Variants in CPD observed in about 807,000 individuals in gnomAD.
CPD encodes the protein carboxypeptidase D.
CPD carries 69 observed loss-of-function variants against 138.3 expected under a neutral mutation model. That is an observed-to-expected ratio of 0.50 (90% CI 0.41 to 0.61). CPD has a LOEUF of 0.61. Ranked by LOEUF, CPD falls within the 20% of genes least tolerant of loss-of-function variation. The pLI, the probability that CPD is intolerant of heterozygous loss-of-function variation, is 0.00. For missense variants in CPD, 1,432 were observed against 1,733.3 expected (o/e 0.83, Z 3.09); for synonymous variants, 651 against 642.1 (o/e 1.01, Z -0.21).
rs369436295 is a variant in CPD at position 30,385,104 on chromosome 17, T to G, written c.862T>G (p.Phe288Val). 3.7e-6 allele frequency: 6 copies of G among 1,613,984 alleles called. No homozygotes were observed. Among genetic ancestry groups the G allele is most frequent in the Non-Finnish European group, 5.1e-6 (6 of 1,180,000 alleles). ...IYSKTSDDEVFKYLAKAYASN... is the reference protein window; with the variant it reads ...IYSKTSDDEVVKYLAKAYASN... ...TAGCAAAACCTCAGATGATGAAGTATTTAAATACTTGGCAAAAGCTTATGC... is the reference window on the plus strand; with the variant it reads ...TAGCAAAACCTCAGATGATGAAGTAGTTAAATACTTGGCAAAAGCTTATGC... Residue 288 changes from phenylalanine (F) to valine (V), a missense_variant, in exon 2 of 21, where the codon TTT becomes GTT. Phe to Val is a conservative substitution (Grantham distance 50). Around this residue, in one of 6 missense-constraint regions of CPD, gnomAD observed 484 missense variants for 477.2 expected, o/e 1.01. Coordinates refer to ENST00000225719, the MANE Select transcript of CPD (RefSeq NM_001304.5).
chr17:30,460,095 C>CA (rs913107163), intron 17 of CPD, among the ~76,000 whole-genome samples: 2 of 152,150 alleles, frequency 1.3e-5, no homozygotes, highest in Non-Finnish European at 2.9e-5. Context: ...ATTAAAGACA[C>CA]AAAAAATTAT....
chr17:30,407,646 C>T (rs1313160242), intron 2 of CPD, among the ~76,000 whole-genome samples: 1 of 152,128 alleles, frequency 6.6e-6, no homozygotes, highest in East Asian at 1.9e-4. Context: ...TTCCTTTGCC[C>T]ACTTTTTGAT....
chr17:30,423,259 T>C (rs1048984652), intron 5 of CPD, among the ~76,000 whole-genome samples: 1 of 152,240 alleles, frequency 6.6e-6, no homozygotes, highest in Non-Finnish European at 1.5e-5. Flanking sequence ...AGATTAGATT[T>C]ATTCTGCTAA....
intron 1 of CPD, among the ~76,000 whole-genome samples, chr17:30,383,000 G>GTTATA (rs1911090090): frequency 1.3e-5 from 2 of 152,164 alleles, no homozygotes; most frequent in Non-Finnish European, 2.9e-5. Flanking sequence ...AACTTTCCCA[G>GTTATA]AGTCAGTGGG....
chr17:30,443,106 A>G (rs915160114), intron 10 of CPD, among the ~76,000 whole-genome samples: 5 of 152,198 alleles, frequency 3.3e-5, no homozygotes, highest in Middle Eastern at 3.4e-3. Flanking sequence ...TAGATTTAAC[A>G]TTTTTAACAT....
chr17:30,461,333 A>G (rs2143511810), intron 18 of CPD, 22 bp downstream of exon 18: 1 of 1,533,480 alleles, frequency 6.5e-7, no homozygotes, highest in Non-Finnish European at 8.8e-7. Flanking sequence ...CCTTTTAACT[A>G]GAGGCAAACT....
intron 2 of CPD, among the ~76,000 whole-genome samples, chr17:30,389,890 A>C (rs1165694101): frequency 7.2e-5 from 11 of 152,230 alleles, no homozygotes; most frequent in Non-Finnish European, 1.6e-4. Flanking sequence ...AATATTGAGC[A>C]GTTTCCCCTT....
intron 7 of CPD, among the ~76,000 whole-genome samples, chr17:30,428,580 C>T (rs1401550584): frequency 1.3e-5 from 2 of 152,174 alleles, no homozygotes; most frequent in Non-Finnish European, 2.9e-5. Context: ...AAAAGCCAGT[C>T]ATAATAGACC....
In CPD at chr17:30,452,585, A is replaced by C. The variant is rs183889585; in HGVS notation, c.3205+739A>C. ...TGTGCCAGGCCCAACATTATTTTCT[A>C]ATGGCATCTAGTATGCCATGAATCT... is the stretch of plus-strand genomic sequence containing the variant. On this transcript the variant is annotated intron_variant, in intron 14 of 20. Transcript: ENST00000225719. Among the ~76,000 whole-genome samples the C allele has an allele frequency of 2.7e-3, 402 of 147,390 alleles. 3 individuals are homozygous for C. Among genetic ancestry groups the C allele is most frequent in the Middle Eastern group, 0.017 (5 of 292 alleles).
In CPD at chr17:30,413,617, A is replaced by T. The variant is rs532775679; in HGVS notation, c.995-7224A>T. ...ATTTATTGAAGGGCTACTATGTGGC[A>T]GGTACTGTTTTAGTCTTGGAATGTC... On this transcript the variant is annotated intron_variant, in intron 2 of 20. Transcript: ENST00000225719. Among the ~76,000 whole-genome samples the T allele has an allele frequency of 1.0e-3, 155 of 152,358 alleles. 7 individuals are homozygous for T. In the South Asian group the frequency reaches 0.029, roughly 29 times the overall value.
At chr17:30,382,861 C>T (rs1311744903) in intron 1 of CPD, among the ~76,000 whole-genome samples, 1 of 152,084 alleles carries the variant, frequency 6.6e-6, no homozygotes, top group Admixed American at 6.5e-5. Context: ...TTGTTTCGCT[C>T]ACAGATGTAT....
At chr17:30,439,294 G>A (rs148854595) in intron 9 of CPD, among the ~76,000 whole-genome samples, 3,151 of 151,206 alleles carry the variant, frequency 0.021, 57 homozygotes, top group Non-Finnish European at 0.027. Context: ...TTGATTAAAT[G>A]GTTACATTTT....
chr17:30,405,353 C>CT (rs1911777413), intron 2 of CPD, among the ~76,000 whole-genome samples: 1 of 152,114 alleles, frequency 6.6e-6, no homozygotes, highest in African/African-American at 2.4e-5. Context: ...ATATTTACCC[C>CT]TTTATCTGTA....
At chr17:30,427,150 C>T (rs993110780) in intron 6 of CPD, among the ~76,000 whole-genome samples, 2 of 151,164 alleles carry the variant, frequency 1.3e-5, no homozygotes, top group African/African-American at 4.9e-5. Context: ...CCACTGCACT[C>T]CAGCCTGGGT....
At position 30,467,954 on chromosome 17, in the gene CPD, C is replaced by G. The variant is rs1363656035; in HGVS notation, c.*3140C>G. The G allele has an allele frequency of 2.0e-5, 3 of 151,982 alleles. No homozygotes were observed. The East Asian group carries it at 5.8e-4, about 29-fold the overall frequency. The allele number at this position is 151,982 out of a possible 1,614,324, so 9.4% of individuals were successfully genotyped here. On this transcript the variant is annotated 3_prime_UTR_variant, in exon 21 of 21. Coordinates refer to ENST00000225719, the MANE Select transcript of CPD (RefSeq NM_001304.5). ...TATATTTTTGTTTTATTGTTATTAC[C>G]AAAAATTCCACTATGATTGATGTTC...
Position 30,461,949 on chromosome 17 carries a change from A to C in CPD, c.3703A>C (p.Asn1235His). 6.2e-7 allele frequency: 1 copy of C among 1,613,762 alleles called. No individual in the cohort carries two copies. The highest frequency in any genetic ancestry group is 8.5e-7 in the Non-Finnish European group (1 of 1,179,732). Reference sequence around the variant, plus strand: ...AATCTCTAAAGCAGTCATTGTACTTAATGAAGGAATAAAGGTACAAACAAA... The same window carrying C: ...AATCTCTAAAGCAGTCATTGTACTTCATGAAGGAATAAAGGTACAAACAAA... ...KPISKAVIVL[N>H]EGIKVQTKEG... is the part of the protein sequence containing the mutation. Residue 1235 changes from asparagine to histidine, a missense_variant, in exon 19 of 21, where the codon AAT becomes CAT. Physicochemically the swap from Asn to His is moderately conservative, Grantham distance 68. Coordinates refer to ENST00000225719, the MANE Select transcript of CPD (RefSeq NM_001304.5).
intron 14 of CPD, 70 bp from the exon 15 acceptor site, chr17:30,455,269 A>AATAT: frequency 7.9e-7 from 1 of 1,263,118 alleles, no homozygotes; most frequent in Admixed American, 2.2e-5. Flanking sequence ...TCAAGTAGAG[A>AATAT]ATATTTTCTT....
intron 17 of CPD, among the ~76,000 whole-genome samples, chr17:30,458,881 A>G (rs1913374928): frequency 6.6e-6 from 1 of 151,202 alleles, no homozygotes; most frequent in South Asian, 2.1e-4. Flanking sequence ...AAAAAAAAAG[A>G]AAAAAAAGAG....
At chr17:30,390,020 AT>A (rs1307779393) in intron 2 of CPD, among the ~76,000 whole-genome samples, 3,860 of 142,252 alleles carry the variant, frequency 0.027, 49 homozygotes, top group Non-Finnish European at 0.036. Flanking sequence ...TCCTGGAGTA[AT>A]TTTTTTTTTT....
Sources: allele counts gnomAD v4.1 joint callset (sites outside exome capture counted in the v4.1 genomes callset), GRCh38; gene constraint gnomAD v4.1.1; regional missense constraint gnomAD v4.1.1; transcripts MANE v1.5; gene names NCBI Gene and HGNC (gene_info 2026-07-23, HGNC 2026-07-21).